CCZ1: variants seen among roughly 807,000 people sequenced by gnomAD.
The protein encoded by CCZ1 is vacuolar fusion protein CCZ1 homolog.
CCZ1 carries 19 observed loss-of-function variants against 57.8 expected under a neutral mutation model. The observed-to-expected ratio is 0.33, with a 90% CI of 0.23 to 0.48. The LOEUF is 0.48. Among genes scored for constraint, CCZ1 ranks in the 20% least tolerant of loss-of-function variants. The pLI is 0.99. For missense variants in CCZ1, 200 were observed against 492.0 expected, an observed-to-expected ratio of 0.41 and a Z score of 5.61; for synonymous variants, 81 against 167.0, an observed-to-expected ratio of 0.49 and a Z score of 3.97.
Position 5,914,691 on chromosome 7 carries a change from A to G in CCZ1, c.954+1737A>G, listed in dbSNP as rs568999478. Among the ~76,000 whole-genome samples, 10 of 148,818 alleles carry G rather than the reference A, an allele frequency of 6.7e-5. 2 individuals carry two copies. The South Asian group carries it at 1.6e-3, about 23-fold the overall frequency. ...GGAGTTCGAGACCAGCCTGGCCAAC[A>G]TGGGGAAACCCTGTCTCTACTAAAA... On this transcript the variant is annotated intron_variant, in intron 10 of 14. Coordinates refer to ENST00000325974, the MANE Select transcript of CCZ1 (RefSeq NM_015622.6).
intron 7 of CCZ1, among the ~76,000 whole-genome samples, chr7:5,908,771 A>C (rs1781895750): frequency 7.0e-6 from 1 of 143,384 alleles, no homozygotes; most frequent in Non-Finnish European, 1.5e-5. Context: ...CCAGAGTCTG[A>C]TACCTGCTAG....
chr7:5,918,054 A>AAT, intron 10 of CCZ1: 1 of 131,938 alleles, frequency 7.6e-6, no homozygotes, highest in South Asian at 2.3e-4. Context: ...GAGGAAATAG[A>AAT]ATGCTATAAA....
chr7:5,905,517 C>G (rs1043058641), intron 7 of CCZ1, among the ~76,000 whole-genome samples: 7 of 146,430 alleles, frequency 4.8e-5, no homozygotes, highest in African/African-American at 1.8e-4. Context: ...GGCACGGTGG[C>G]TCACACCTGT....
Position 5,900,478 on chromosome 7 carries a change from T to G in CCZ1, c.224T>G (p.Phe75Cys). 1 of 1,598,770 alleles carries G rather than the reference T, an allele frequency of 6.3e-7. No individual in the cohort carries two copies. ...CEAIVQFTRTFSPSKPAKSLH... is the reference protein window; with the variant it reads ...CEAIVQFTRTCSPSKPAKSLH... ...TATTTTTTTAACCTTTGTAGGACATTTAGCCCATCAAAACCTGCAAAATCT... is the reference window on the plus strand; with the variant it reads ...TATTTTTTTAACCTTTGTAGGACATGTAGCCCATCAAAACCTGCAAAATCT... Residue 75 changes from phenylalanine to cysteine, a missense_variant, in exon 3 of 15, where the codon TTT (phenylalanine) becomes TGT (cysteine). By Grantham distance (205) the Phe-to-Cys change is radical. Transcript: ENST00000325974.
rs555478063 is a variant in CCZ1, at chr7:5,902,786, A to G, written c.522+42A>G. The G allele has an allele frequency of 2.9e-5, 46 of 1,579,000 alleles. 6 individuals carry two copies. The South Asian group carries it at 4.7e-4, about 16-fold the overall frequency. On this transcript the variant is annotated intron_variant, in intron 6 of 14. Transcript: ENST00000325974. ...TCATTTATAACTTTAGTAAGCATTC[A>G]GCAGGTTTTTAGAGAAATATAGACA...
intron 14 of CCZ1, among the ~76,000 whole-genome samples, chr7:5,924,571 ATC>A (rs985422177): frequency 7.5e-6 from 1 of 133,154 alleles, no homozygotes; most frequent in African/African-American, 2.7e-5. Flanking sequence ...ATAAAAACAT[ATC>A]TTTTGTAGGG....
intron 11 of CCZ1, chr7:5,919,237 CT>C (rs1171716880): frequency 2.4e-6 from 1 of 424,198 alleles, no homozygotes. Flanking sequence ...ATCCACCCAT[CT>C]TAGCCTCCCA....
chr7:5,912,228 G>T (rs1349616903), intron 9 of CCZ1, among the ~76,000 whole-genome samples: 1 of 136,960 alleles, frequency 7.3e-6, no homozygotes, highest in African/African-American at 2.8e-5. Flanking sequence ...AAAGTGCTGG[G>T]ATTACAGGTG....
Position 5,905,104 on chromosome 7 carries a change from C to A in CCZ1, c.533C>A (p.Thr178Lys). Reference sequence around the variant, plus strand: ...TTTTTTTTCCCACAGTATTTGCAAACGCTACATTTGCAGTCATGTGACCTA... The same window carrying A: ...TTTTTTTTCCCACAGTATTTGCAAAAGCTACATTTGCAGTCATGTGACCTA... ...LEKFFHRYLQ[T>K]LHLQSCDLLD... Residue 178 changes from threonine to lysine, a missense_variant, in exon 7 of 15, where the codon ACG becomes AAG. Physicochemically the swap from Thr to Lys is moderately conservative, Grantham distance 78. Coordinates refer to ENST00000325974, the MANE Select transcript of CCZ1 (RefSeq NM_015622.6). 6.3e-7 allele frequency: 1 copy of A among 1,599,024 alleles called. No individual in the cohort carries two copies. Among genetic ancestry groups the A allele is most frequent in the Non-Finnish European group, 8.5e-7 (1 of 1,177,964 alleles).
chr7:5,923,721 C>G lies in CCZ1; in HGVS notation c.1266-114C>G. 2 of 1,068,074 alleles carry G rather than the reference C, an allele frequency of 1.9e-6. 1 individual carries two copies. Among genetic ancestry groups the G allele is most frequent in the Non-Finnish European group, 2.7e-6 (2 of 741,972 alleles). 66.2% of individuals were successfully genotyped at this position (1,068,074 alleles called of 1,614,324 possible). A position where few individuals can be genotyped will look rare whatever the true frequency, so the allele number is the denominator to read the frequency against. The stretch of plus-strand genomic sequence containing the variant: ...GTTCCCTCGCGCGGCACTCCCTGAG[C>G]CTTTTAAATGCCACGTGCGCCCGTT... On this transcript the variant is annotated intron_variant, in intron 13 of 14. Coordinates refer to ENST00000325974, the MANE Select transcript of CCZ1 (RefSeq NM_015622.6).
intron 9 of CCZ1, 118 bp downstream of exon 9, chr7:5,912,040 G>A (rs367656285): frequency 3.0e-5 from 47 of 1,577,954 alleles, no homozygotes; most frequent in African/African-American, 1.4e-4. Context: ...TGCAACCTCC[G>A]CCTCCCCGGG....
chr7:5,905,696 C>A (rs1231258890), intron 7 of CCZ1, among the ~76,000 whole-genome samples: 16 of 129,698 alleles, frequency 1.2e-4, no homozygotes, highest in South Asian at 8.5e-4. Flanking sequence ...GCAGGAGAAT[C>A]ACTTGAACCC....
intron 7 of CCZ1, among the ~76,000 whole-genome samples, chr7:5,909,490 C>A (rs1781916328): frequency 6.7e-6 from 1 of 148,954 alleles, no homozygotes; most frequent in South Asian, 2.1e-4. Context: ...CTGCTTGAGT[C>A]CAGCAGTTCG....
intron 7 of CCZ1, among the ~76,000 whole-genome samples, chr7:5,908,941 T>C (rs1318446570): frequency 1.4e-5 from 2 of 147,554 alleles, no homozygotes; most frequent in Non-Finnish European, 3.0e-5. Context: ...GTTCCCTGTC[T>C]ACAGCATACC....
Position 5,902,850 on chromosome 7 carries a change from G to C in CCZ1, c.522+106G>C. On this transcript the variant is annotated intron_variant, in intron 6 of 14. Coordinates refer to ENST00000325974, the MANE Select transcript of CCZ1 (RefSeq NM_015622.6). Reference sequence around the variant, plus strand: ...CTTATATACAAAAAACCCAGAACTTGAAAGTGGCAAAGAGCCTGAGACAGA... The same window carrying C: ...CTTATATACAAAAAACCCAGAACTTCAAAGTGGCAAAGAGCCTGAGACAGA... The C allele has an allele frequency of 2.9e-6, 4 of 1,359,568 alleles. 1 individual carries two copies. In the South Asian group the frequency reaches 4.4e-5, roughly 15 times the overall value. 84.2% of individuals were successfully genotyped at this position (1,359,568 alleles called of 1,614,324 possible). A position where few individuals can be genotyped will look rare whatever the true frequency, so the allele number is the denominator to read the frequency against.
intron 13 of CCZ1, 52 bp downstream of exon 13, chr7:5,923,597 GAC>G (rs1320395489): frequency 3.1e-6 from 1 of 324,494 alleles, no homozygotes; most frequent in South Asian, 2.3e-5. Flanking sequence ...GACGAGAAAA[GAC>G]ACAGAAAATC....
In CCZ1 at chr7:5,903,996, G is replaced by T. The variant is rs1276241240; in HGVS notation, c.523-1098G>T. On this transcript the variant is annotated intron_variant, in intron 6 of 14. Coordinates refer to ENST00000325974, the MANE Select transcript of CCZ1 (RefSeq NM_015622.6). ...GTGACAGACCAAGACTCCATCTCGG[G>T]GGGGGAAATAAAGATGGCACTCTCT... Among the ~76,000 whole-genome samples, 6 of 143,798 alleles carry T rather than the reference G, an allele frequency of 4.2e-5. 1 individual carries two copies. Among genetic ancestry groups the T allele is most frequent in the East Asian group, 4.7e-4 (2 of 4,216 alleles). The allele number at this position is 143,798 out of a possible 152,430, so 94.3% of individuals were successfully genotyped here. A position where few individuals can be genotyped will look rare whatever the true frequency, so the allele number is the denominator to read the frequency against.
chr7:5,904,143 A>AGT (rs1259599413), intron 6 of CCZ1, among the ~76,000 whole-genome samples: 2 of 113,428 alleles, frequency 1.8e-5, no homozygotes, highest in African/African-American at 3.7e-5. Flanking sequence ...CCCAGGCTAG[A>AGT]GTGCAATGGT....
rs1248756853 is a variant in CCZ1, at chr7:5,905,711, G to A, written c.698+442G>A. ...GCAGGAGAATCACTTGAACCCGGGA[G>A]GCGGAGGTTGCAGTGAGCCGAGATG... On this transcript the variant is annotated intron_variant, in intron 7 of 14. Coordinates refer to ENST00000325974, the MANE Select transcript of CCZ1 (RefSeq NM_015622.6). Among the ~76,000 whole-genome samples, 48 of 137,044 alleles carry A rather than the reference G, an allele frequency of 3.5e-4. 3 individuals carry two copies. In the East Asian group the frequency reaches 0.012, roughly 33 times the overall value. 89.9% of individuals were successfully genotyped at this position (137,044 alleles called of 152,430 possible).
Sources: gnomAD v4.1 joint callset for allele counts (sites outside exome capture counted in the v4.1 genomes callset) on GRCh38, gnomAD v4.1.1 for gene constraint, MANE v1.5 for transcripts, NCBI Gene and HGNC (gene_info 2026-07-23, HGNC 2026-07-21) for gene names.